SPIRE1: variants seen among roughly 807,000 people sequenced by gnomAD.
The protein encoded by SPIRE1 is protein spire homolog 1.
Under a neutral mutation model 94.1 loss-of-function variants are expected in SPIRE1, and 40 were observed. That is an observed-to-expected ratio of 0.43 (90% CI 0.33 to 0.55). SPIRE1 has a LOEUF of 0.55. SPIRE1 is among the 20% of genes least tolerant of loss of function. The pLI, the probability that SPIRE1 is intolerant of heterozygous loss-of-function variation, is 0.06. For missense variants in SPIRE1, 838 were observed against 975.2 expected, an observed-to-expected ratio of 0.86 and a Z score of 1.87; for synonymous variants, 376 against 371.7, an observed-to-expected ratio of 1.01 and a Z score of -0.13.
chr18:12,658,186 G>C (rs2038616964), upstream of SPIRE1: 8 of 751,892 alleles, frequency 1.1e-5, no homozygotes, highest in South Asian at 1.3e-4. Context: ...CGCACGGGCC[G>C]GGGGATGCAC....
intron 10 of SPIRE1, among the ~76,000 whole-genome samples, chr18:12,478,582 GTGTA>G (rs1200755827): frequency 2.7e-4 from 40 of 146,180 alleles, no homozygotes; most frequent in Admixed American, 2.6e-3. Flanking sequence ...AAGCTAGGGT[GTGTA>G]TGTATGTGTG....
intron 3 of SPIRE1, among the ~76,000 whole-genome samples, chr18:12,545,882 T>C (rs1248957358): frequency 6.6e-6 from 1 of 152,206 alleles, no homozygotes; most frequent in East Asian, 1.9e-4. Flanking sequence ...ATAAGGGGTA[T>C]ATAATATCTA....
intron 6 of SPIRE1, among the ~76,000 whole-genome samples, chr18:12,505,552 CA>C (rs57390189): frequency 1.0e-3 from 116 of 112,756 alleles, no homozygotes; most frequent in African/African-American, 1.4e-3. Context: ...GACCCTGTCT[CA>C]AAAAAAAAAA....
At chr18:12,591,243 G>A (rs1310870061) in intron 2 of SPIRE1, among the ~76,000 whole-genome samples, 1 of 152,164 alleles carries the variant, frequency 6.6e-6, no homozygotes, top group East Asian at 1.9e-4. Flanking sequence ...GAGAGTTTCA[G>A]GCAAAAGGAA....
chr18:12,555,625 C>T (rs751341611), intron 2 of SPIRE1, among the ~76,000 whole-genome samples: 2 of 152,148 alleles, frequency 1.3e-5, no homozygotes, highest in African/African-American at 4.8e-5. Context: ...AACATCCCTT[C>T]ATGATAAAAA....
intron 2 of SPIRE1, among the ~76,000 whole-genome samples, chr18:12,554,028 C>A (rs931429368): frequency 6.6e-6 from 1 of 151,964 alleles, no homozygotes; most frequent in Admixed American, 6.6e-5. Context: ...CAGCTGGGTG[C>A]GGTGGCTCAT....
intron 2 of SPIRE1, among the ~76,000 whole-genome samples, chr18:12,569,799 A>G (rs562357798): frequency 6.6e-6 from 1 of 152,346 alleles, no homozygotes; most frequent in South Asian, 2.1e-4. Context: ...GTTAAAATGA[A>G]CATGAATTAC....
At chr18:12,511,823 C>T (rs571259444) in intron 5 of SPIRE1, among the ~76,000 whole-genome samples, 23 of 152,206 alleles carry the variant, frequency 1.5e-4, no homozygotes, top group Non-Finnish European at 2.6e-4. Flanking sequence ...CTCCTGGGCT[C>T]GTGTGATCCT....
In SPIRE1 at chr18:12,509,010, T is replaced by C. The variant is rs570929905; in HGVS notation, c.808-2369A>G. On this transcript the variant is annotated intron_variant, in intron 5 of 16. Transcript: ENST00000409402. Reference sequence around the variant, plus strand: ...TACATAGTCGGTTTTGTGTGCATGATTGTTTGGTTAAAAAATTTTACATAC... The same window carrying C: ...TACATAGTCGGTTTTGTGTGCATGACTGTTTGGTTAAAAAATTTTACATAC... Among the ~76,000 whole-genome samples the C allele has an allele frequency of 2.4e-4, 36 of 152,296 alleles. No individual in the cohort carries two copies. In the South Asian group the frequency reaches 6.0e-3, roughly 25 times the overall value.
intron 1 of SPIRE1, among the ~76,000 whole-genome samples, chr18:12,654,204 GTA>G (rs2144905854): frequency 2.6e-5 from 4 of 151,540 alleles, no homozygotes; most frequent in Admixed American, 6.6e-5. Flanking sequence ...GGGCATGGTG[GTA>G]CACACCTGTA....
chr18:12,466,114 T>C (rs575168125), intron 10 of SPIRE1, among the ~76,000 whole-genome samples: 3 of 151,220 alleles, frequency 2.0e-5, no homozygotes, highest in African/African-American at 7.3e-5. Flanking sequence ...AAAAGAAAAA[T>C]GTCTACATCG....
At chr18:12,633,051 A>C (rs2144808295) in intron 2 of SPIRE1, among the ~76,000 whole-genome samples, 1 of 152,318 alleles carries the variant, frequency 6.6e-6, no homozygotes, top group East Asian at 1.9e-4. Flanking sequence ...TATGAGGTTA[A>C]TACAAATTAC....
In SPIRE1 at chr18:12,452,509, C is replaced by T. The variant is rs748768107; in HGVS notation, c.1851G>A (p.Pro617=). 9.9e-6 allele frequency: 16 copies of T among 1,613,632 alleles called. No individual in the cohort carries two copies. Among genetic ancestry groups the T allele is most frequent in the African/African-American group, 4.0e-5 (3 of 74,892 alleles). Residue 617 remains proline, a synonymous_variant, in exon 15 of 17, where the codon CCG becomes CCA. Coordinates refer to ENST00000409402, the MANE Select transcript of SPIRE1 (RefSeq NM_001128626.2). ...CCTTTTTGCAACACTGTGAGCACAC[C>T]GGCCTGTAAACAAAATCATAAATGT... ...WSYTCQFCKR[P]VCSQCCKKMR...
At chr18:12,521,374 C>T (rs1315603994) in intron 4 of SPIRE1, among the ~76,000 whole-genome samples, 1 of 151,680 alleles carries the variant, frequency 6.6e-6, no homozygotes, top group African/African-American at 2.4e-5. Context: ...ACTCTGTCGC[C>T]TGGGTGGGGT....
Position 12,486,966 on chromosome 18 carries a change from C to T in SPIRE1, c.1190-966G>A, listed in dbSNP as rs989387875. On this transcript the variant is annotated intron_variant, in intron 8 of 16. Coordinates refer to ENST00000409402, the MANE Select transcript of SPIRE1 (RefSeq NM_001128626.2). The stretch of plus-strand genomic sequence containing the variant: ...CTCCCGGGTTCAAGCAATTCTTGTG[C>T]CTCAGCCTCCTGAGTAGCTGGGATT... Among the ~76,000 whole-genome samples, 6 of 152,278 alleles carry T rather than the reference C, an allele frequency of 3.9e-5. No homozygotes were observed. The East Asian group carries it at 1.2e-3, about 30-fold the overall frequency.
intron 11 of SPIRE1, among the ~76,000 whole-genome samples, chr18:12,464,158 C>A (rs771794242): frequency 5.2e-4 from 79 of 152,096 alleles, no homozygotes; most frequent in Non-Finnish European, 8.8e-4. Flanking sequence ...GACTGTCCCA[C>A]CATGAGAAAC....
At chr18:12,461,767 A>G (rs974742569) in intron 12 of SPIRE1, among the ~76,000 whole-genome samples, 9 of 152,128 alleles carry the variant, frequency 5.9e-5, no homozygotes, top group Admixed American at 1.3e-4. Context: ...AGCTGGGATT[A>G]CGGGCATGCG....
At chr18:12,505,457 T>G (rs773316355) in intron 6 of SPIRE1, among the ~76,000 whole-genome samples, 1 of 150,422 alleles carries the variant, frequency 6.6e-6, no homozygotes, top group Non-Finnish European at 1.5e-5. Context: ...GAGGCTGAGG[T>G]GGGAGGATCA....
chr18:12,594,267 A>C (rs920361683), intron 2 of SPIRE1, among the ~76,000 whole-genome samples: 1 of 152,186 alleles, frequency 6.6e-6, no homozygotes, highest in Non-Finnish European at 1.5e-5. Flanking sequence ...AAAGGGATGA[A>C]CCAGAGATAT....
Sources: allele counts gnomAD v4.1 joint callset (sites outside exome capture counted in the v4.1 genomes callset), GRCh38; gene constraint gnomAD v4.1.1; transcripts MANE v1.5; gene names NCBI Gene and HGNC (gene_info 2026-07-23, HGNC 2026-07-21).